The following EYA2 variants were observed in gnomAD, a reference collection of about 807,000 sequenced individuals.
EYA2 encodes EYA transcriptional coactivator and phosphatase 2, also known as protein phosphatase EYA2.
EYA2 carries 31 observed loss-of-function variants against 69.2 expected under a neutral mutation model. That is an observed-to-expected ratio of 0.45 (90% CI 0.34 to 0.60). The LOEUF is 0.60. Among genes scored for constraint, EYA2 ranks in the 20% least tolerant of loss-of-function variants. The probability of loss-of-function intolerance (pLI) is 0.02; values close to 1 mark genes in which losing one functional copy is unlikely to be tolerated. For missense variants in EYA2, 622 were observed against 701.2 expected (o/e 0.89, Z 1.28); for synonymous variants, 257 against 279.4 (o/e 0.92, Z 0.80).
At chr20:47,081,475 G>T in intron 7 of EYA2, among the ~76,000 whole-genome samples, 1 of 152,072 alleles carries the variant, frequency 6.6e-6, no homozygotes, top group Non-Finnish European at 1.5e-5. Context: ...CTACAGGGTT[G>T]CTGTGAAAAT....
intron 1 of EYA2, among the ~76,000 whole-genome samples, chr20:46,951,033 G>A (rs147991895): frequency 1.3e-5 from 2 of 152,288 alleles, no homozygotes; most frequent in African/African-American, 4.8e-5. Context: ...CCCCACATAT[G>A]CCAGAAAGAG....
At chr20:47,058,212 G>A (rs114321258) in intron 5 of EYA2, among the ~76,000 whole-genome samples, 4 of 152,304 alleles carry the variant, frequency 2.6e-5, no homozygotes, top group African/African-American at 9.6e-5. Flanking sequence ...TAGAATCATC[G>A]GTCATCAGAG....
intron 1 of EYA2, among the ~76,000 whole-genome samples, chr20:46,968,396 C>T (rs1474343724): frequency 6.6e-6 from 1 of 152,220 alleles, no homozygotes; most frequent in Non-Finnish European, 1.5e-5. Context: ...TCACGTCATC[C>T]TCACAGCAAC....
At chr20:46,970,957 T>C (rs1198179738) in intron 1 of EYA2, among the ~76,000 whole-genome samples, 2 of 151,288 alleles carry the variant, frequency 1.3e-5, no homozygotes, top group Non-Finnish European at 2.9e-5. Flanking sequence ...ACGGGGGAAA[T>C]AGATGGAGTG....
At chr20:47,091,692 C>T (rs1271681807) in intron 8 of EYA2, among the ~76,000 whole-genome samples, 1 of 151,894 alleles carries the variant, frequency 6.6e-6, no homozygotes. Context: ...CTGCGTTGAG[C>T]CATGACCACA....
chr20:47,158,766 A>G (rs1480400358), intron 10 of EYA2, among the ~76,000 whole-genome samples: 2 of 151,978 alleles, frequency 1.3e-5, no homozygotes, highest in African/African-American at 4.8e-5. Context: ...ACGTTATGCC[A>G]GAGGAACACA....
At chr20:46,911,278 T>C (rs1984632095) in intron 1 of EYA2, among the ~76,000 whole-genome samples, 3 of 151,562 alleles carry the variant, frequency 2.0e-5, no homozygotes, top group Admixed American at 2.0e-4. Context: ...CTGTATACTC[T>C]AGGATGGCAT....
rs200863443 is a variant in EYA2, at chr20:47,180,039, T to TA, written c.1313+127_1313+128insA. On this transcript the variant is annotated intron_variant, in intron 13 of 15. Transcript: ENST00000327619. Reference sequence around the variant, plus strand: ...CTCTCACTTGTACACTTTCCAAATATTTTTTTTTTTTGATATGGAGTCTCA... The same window carrying TA: ...CTCTCACTTGTACACTTTCCAAATATATTTTTTTTTTTGATATGGAGTCTCA... 2.0e-3 allele frequency: 621 copies of TA among 307,670 alleles called. 1 individual carries two copies. The highest frequency in any genetic ancestry group is 2.6e-3 in the South Asian group (41 of 16,074). 19.1% of individuals were successfully genotyped at this position (307,670 alleles called of 1,614,324 possible).
intron 1 of EYA2, among the ~76,000 whole-genome samples, chr20:46,910,539 G>A (rs998610531): frequency 2.6e-5 from 4 of 152,164 alleles, no homozygotes; most frequent in Non-Finnish European, 5.9e-5. Flanking sequence ...TAGGACATGC[G>A]CTGGGCTTCA....
At chr20:47,125,521 A>G (rs542301604) in intron 9 of EYA2, among the ~76,000 whole-genome samples, 9 of 152,102 alleles carry the variant, frequency 5.9e-5, no homozygotes, top group Non-Finnish European at 8.8e-5. Context: ...TCTAAAAAAA[A>G]TTTTTTTAAA....
In EYA2 at chr20:47,149,688, CAAAAAAAA is replaced by C. The variant is rs59780173; in HGVS notation, c.978+6556_978+6563del. Among the ~76,000 whole-genome samples the C allele has an allele frequency of 3.1e-3, 319 of 102,680 alleles. 3 individuals carry two copies. Among genetic ancestry groups the C allele is most frequent in the Middle Eastern group, 4.6e-3 (1 of 218 alleles). The allele number at this position is 102,680 out of a possible 152,430, so 67.4% of individuals were successfully genotyped here. A position where few individuals can be genotyped will look rare whatever the true frequency, so the allele number is the denominator to read the frequency against. On this transcript the variant is annotated intron_variant, in intron 10 of 15. Coordinates refer to ENST00000327619, the MANE Select transcript of EYA2 (RefSeq NM_005244.5). ...CAAAACCCCATCTCTACTAAAAATA[CAAAAAAAA>C]AAAAAAAAAAAAAAATTAGCCAAGC...
Position 47,012,965 on chromosome 20 carries a change from G to A in EYA2, c.299-3216G>A, listed in dbSNP as rs150280195. On this transcript the variant is annotated intron_variant, in intron 4 of 15. Coordinates refer to ENST00000327619, the MANE Select transcript of EYA2 (RefSeq NM_005244.5). ...GACCACAGTCTGGACAACAGACTTA[G>A]GGGACGAAGGCCCTCGTGCGCCTTT... Among the ~76,000 whole-genome samples, 212 of 152,342 alleles carry A rather than the reference G, an allele frequency of 1.4e-3. 2 individuals are homozygous for A. Among genetic ancestry groups the A allele is most frequent in the African/African-American group, 4.9e-3 (204 of 41,584 alleles).
chr20:46,954,960 T>C (rs1259281911), intron 1 of EYA2, among the ~76,000 whole-genome samples: 1 of 152,214 alleles, frequency 6.6e-6, no homozygotes, highest in Non-Finnish European at 1.5e-5. Context: ...ATCAGTATCT[T>C]TGGCCATTCG....
At chr20:47,050,299 T>C (rs923661620) in intron 5 of EYA2, among the ~76,000 whole-genome samples, 12 of 152,096 alleles carry the variant, frequency 7.9e-5, no homozygotes, top group African/African-American at 2.9e-4. Flanking sequence ...GAGGGAAAAA[T>C]ATAAAACAAA....
intron 9 of EYA2, among the ~76,000 whole-genome samples, chr20:47,098,634 C>T (rs933266081): frequency 2.0e-5 from 3 of 152,230 alleles, no homozygotes; most frequent in African/African-American, 7.2e-5. Flanking sequence ...TGTCCCCTGG[C>T]CCATGCCATT....
At chr20:46,912,699 T>TTC (rs1555802446) in intron 1 of EYA2, among the ~76,000 whole-genome samples, 5 of 150,484 alleles carry the variant, frequency 3.3e-5, no homozygotes, top group African/African-American at 1.2e-4. Flanking sequence ...TTTTTTTTTT[T>TTC]TTCTTTTTTT....
chr20:46,993,228 G>C (rs1981797804), intron 2 of EYA2, among the ~76,000 whole-genome samples: 1 of 152,228 alleles, frequency 6.6e-6, no homozygotes, highest in Admixed American at 6.5e-5. Context: ...TTGAAACAGG[G>C]AGTGGACTTA....
chr20:47,070,889 C>G (rs189687012), intron 5 of EYA2, among the ~76,000 whole-genome samples: 148 of 152,226 alleles, frequency 9.7e-4, no homozygotes, highest in South Asian at 1.7e-3. Flanking sequence ...TGCCGTGTTG[C>G]GCAGGCTGGA....
Position 47,125,396 on chromosome 20 carries a change from A to G in EYA2, c.889-17663A>G, listed in dbSNP as rs1011768954. ...TACAGATAGACCCATTATCTTTTCT[A>G]TTTTTGGTGTTCTCCCACAAAACTG... On this transcript the variant is annotated intron_variant, in intron 9 of 15. Coordinates refer to ENST00000327619, the MANE Select transcript of EYA2 (RefSeq NM_005244.5). 3.9e-5 allele frequency among the ~76,000 whole-genome samples: 6 copies of G among 152,076 alleles called. No individual in the cohort carries two copies. The East Asian group carries it at 9.7e-4, about 25-fold the overall frequency.
Sources: gnomAD v4.1 joint callset for allele counts (sites outside exome capture counted in the v4.1 genomes callset) on GRCh38, gnomAD v4.1.1 for gene constraint, MANE v1.5 for transcripts, NCBI Gene and HGNC (gene_info 2026-07-23, HGNC 2026-07-21) for gene names.